Variants in CHD6 observed in about 807,000 individuals in gnomAD.
CHD6 encodes ATP-dependent chromatin remodeler CHD6.
In CHD6, 50 loss-of-function variants were observed where a neutral mutation model predicts 276.9. That is an observed-to-expected ratio of 0.18 (90% confidence interval 0.14 to 0.23). The LOEUF (loss-of-function observed/expected upper bound fraction) is 0.23, where lower values mean the gene tolerates loss of function less well. Ranked by LOEUF, CHD6 falls within the 10% of genes least tolerant of loss-of-function variation. The pLI is 1.00. For synonymous variants in CHD6, 1,173 were observed against 1,229.3 expected, an observed-to-expected ratio of 0.95 and a Z score of 0.96; for missense variants, 2,564 against 3,365.8, an observed-to-expected ratio of 0.76 and a Z score of 5.89.
At chr20:41,525,605 G>A (rs979427305) in intron 3 of CHD6, among the ~76,000 whole-genome samples, 5 of 152,182 alleles carry the variant, frequency 3.3e-5, no homozygotes, top group Non-Finnish European at 5.9e-5. Context: ...TATCATTTCA[G>A]TAAGATTTGG....
intron 5 of CHD6, among the ~76,000 whole-genome samples, chr20:41,508,742 T>C (rs2044038975): frequency 6.6e-6 from 1 of 151,930 alleles, no homozygotes; most frequent in Non-Finnish European, 1.5e-5. Flanking sequence ...GCTACGGCAA[T>C]GTCAAATAGC....
chr20:41,423,759 C>G, intron 29 of CHD6, 59 bp from the exon 30 acceptor site: 1 of 1,383,144 alleles, frequency 7.2e-7, no homozygotes, highest in Non-Finnish European at 1.0e-6. Flanking sequence ...AAGCCAATAA[C>G]TGCTTATTGA....
At chr20:41,584,098 T>C (rs2045568067) in intron 1 of CHD6, among the ~76,000 whole-genome samples, 1 of 152,100 alleles carries the variant, frequency 6.6e-6, no homozygotes, top group African/African-American at 2.4e-5. Context: ...AGTTATATGT[T>C]TCTATAAGAA....
At chr20:41,500,574 C>T (rs2043807056) in intron 5 of CHD6, among the ~76,000 whole-genome samples, 1 of 152,110 alleles carries the variant, frequency 6.6e-6, no homozygotes, top group South Asian at 2.1e-4. Flanking sequence ...CTATAATTAC[C>T]ATACAATAGA....
At chr20:41,431,522 G>A (rs1005479926) in intron 27 of CHD6, among the ~76,000 whole-genome samples, 1 of 152,158 alleles carries the variant, frequency 6.6e-6, no homozygotes, top group Non-Finnish European at 1.5e-5. Flanking sequence ...ATTACTCAAT[G>A]CTAGAGAAAA....
chr20:41,564,221 T>TG, intron 1 of CHD6: 2 of 595,972 alleles, frequency 3.4e-6, no homozygotes, highest in Non-Finnish European at 6.1e-6. Flanking sequence ...AAACATGTTT[T>TG]GGGGCGCTAA....
At chr20:41,460,536 T>G (rs2048512059) in intron 17 of CHD6, among the ~76,000 whole-genome samples, 1 of 152,176 alleles carries the variant, frequency 6.6e-6, no homozygotes, top group African/African-American at 2.4e-5. Context: ...CAGCCATGGC[T>G]GAAAGGGGCC....
At chr20:41,584,505 C>T (rs1009741264) in intron 1 of CHD6, among the ~76,000 whole-genome samples, 1 of 152,078 alleles carries the variant, frequency 6.6e-6, no homozygotes, top group African/African-American at 2.4e-5. Flanking sequence ...AACACCTCAC[C>T]CTACAAGAGC....
chr20:41,535,482 C>A (rs1430220789), intron 2 of CHD6, among the ~76,000 whole-genome samples: 3 of 152,212 alleles, frequency 2.0e-5, no homozygotes, highest in Non-Finnish European at 4.4e-5. Flanking sequence ...AGCTCACACC[C>A]AATTCATTGA....
chr20:41,542,692 C>CA lies in CHD6; in HGVS notation c.33+8612dup, dbSNP rs547041896. ...TGGGCGACAGAGCGAGACTCCGTCT[C>CA]AAAAAAAAAGAAAAAGAAAGACTGT... On this transcript the variant is annotated intron_variant, in intron 2 of 36. Coordinates refer to ENST00000373233, the MANE Select transcript of CHD6 (RefSeq NM_032221.5). 1.6e-3 allele frequency among the ~76,000 whole-genome samples: 236 copies of CA among 147,316 alleles called. 1 individual carries two copies. The highest frequency in any genetic ancestry group is 2.8e-3 in the Non-Finnish European group (185 of 66,630).
chr20:41,422,856 C>A lies in CHD6; in HGVS notation c.4555+636G>T, dbSNP rs181894103. 8.5e-5 allele frequency among the ~76,000 whole-genome samples: 13 copies of A among 152,310 alleles called. No homozygotes were observed. The East Asian group carries it at 2.5e-3, about 29-fold the overall frequency. On this transcript the variant is annotated intron_variant, in intron 30 of 36. Transcript: ENST00000373233. The stretch of plus-strand genomic sequence containing the variant: ...AGCCCTGCCATATAGGAGGCAAAGG[C>A]TGGTATGTCTTGTGCGTGCTGCCAT...
chr20:41,533,071 C>T lies in CHD6; in HGVS notation c.533G>A (p.Arg178Lys), dbSNP rs2044728691. Residue 178 changes from arginine (R) to lysine (K), a missense_variant, in exon 3 of 37, where the codon AGG becomes AAG. Transcript: ENST00000373233. Reference sequence around the variant, plus strand: ...GTACCTGGCCTTCCTGGACTTCGTCCTGGCTGCAGAGTCAGTGCAGCTCCT... The same window carrying T: ...GTACCTGGCCTTCCTGGACTTCGTCTTGGCTGCAGAGTCAGTGCAGCTCCT... The part of the protein sequence containing the change: ...EKRSCTDSAA[R>K]TKSRKASKEQ... The T allele has an allele frequency of 6.3e-7, 1 of 1,598,878 alleles. No homozygotes were observed. Among genetic ancestry groups the T allele is most frequent in the African/African-American group, 1.4e-5 (1 of 73,778 alleles).
intron 1 of CHD6, among the ~76,000 whole-genome samples, chr20:41,591,064 A>G (rs1244636083): frequency 6.6e-6 from 1 of 151,916 alleles, no homozygotes; most frequent in Non-Finnish European, 1.5e-5. Context: ...CTTTGTAGGG[A>G]CATGGATGAA....
chr20:41,576,884 C>G (rs942097153), intron 1 of CHD6, among the ~76,000 whole-genome samples: 4 of 152,168 alleles, frequency 2.6e-5, no homozygotes, highest in Non-Finnish European at 5.9e-5. Context: ...AACCTCTTAT[C>G]AGACCAACAC....
rs1019832516 is a variant in CHD6 at position 41,554,435 on chromosome 20, C to A, written c.-23-3075G>T. On this transcript the variant is annotated intron_variant, in intron 1 of 36. Transcript: ENST00000373233. ...ATTGATCATTCTTGGGTGTTTCTCG[C>A]AGAGGGGGATTTGGCAGGGTCATAG... Among the ~76,000 whole-genome samples the A allele has an allele frequency of 7.9e-4, 119 of 151,352 alleles. 1 individual carries two copies. The highest frequency in any genetic ancestry group is 2.7e-3 in the African/African-American group (110 of 41,166).
chr20:41,469,083 C>T (rs762891710), intron 17 of CHD6, among the ~76,000 whole-genome samples: 1 of 152,148 alleles, frequency 6.6e-6, no homozygotes, highest in Non-Finnish European at 1.5e-5. Context: ...CTCTTCCCCT[C>T]GGAGCAGTGT....
At chr20:41,533,975 C>G (rs987343) in intron 2 of CHD6, among the ~76,000 whole-genome samples, 145,150 of 152,332 alleles carry the variant, frequency 0.95, 69,256 homozygotes, top group East Asian at 1. Context: ...CACAGGTGCT[C>G]AAGGCATCCC....
intron 1 of CHD6, among the ~76,000 whole-genome samples, chr20:41,566,294 T>C (rs1323795607): frequency 6.6e-6 from 1 of 152,070 alleles, no homozygotes; most frequent in Non-Finnish European, 1.5e-5. Flanking sequence ...TTTCTAGTAC[T>C]TATTAGAGAG....
At chr20:41,543,879 T>C (rs1282734204) in intron 2 of CHD6, among the ~76,000 whole-genome samples, 1 of 152,262 alleles carries the variant, frequency 6.6e-6, no homozygotes, top group African/African-American at 2.4e-5. Context: ...AAGACGTTCC[T>C]GTTGCACTTT....
Sources: gnomAD v4.1 joint callset for allele counts (sites outside exome capture counted in the v4.1 genomes callset) on GRCh38, gnomAD v4.1.1 for gene constraint, MANE v1.5 for transcripts, NCBI Gene and HGNC (gene_info 2026-07-23, HGNC 2026-07-21) for gene names.